CAMTA1: variants seen among roughly 807,000 people sequenced by gnomAD.
The protein encoded by CAMTA1 is calmodulin-binding transcription activator 1.
CAMTA1 carries 27 observed loss-of-function variants against 170.9 expected under a neutral mutation model. The observed-to-expected ratio is 0.16, with a 90% CI of 0.12 to 0.22. The LOEUF is 0.22. CAMTA1 is among the 10% of genes least tolerant of loss of function. The pLI, the probability that CAMTA1 is intolerant of heterozygous loss-of-function variation, is 1.00. For missense variants in CAMTA1, 1,619 were observed against 2,217.2 expected (o/e 0.73, Z 5.42); for synonymous variants, 833 against 891.5 (o/e 0.93, Z 1.17).
intron 5 of CAMTA1, among the ~76,000 whole-genome samples, chr1:7,446,378 C>T (rs1166925763): frequency 1.3e-5 from 2 of 152,010 alleles, no homozygotes; most frequent in Non-Finnish European, 2.9e-5. Context: ...GTAAATATAA[C>T]AATATTTGAT....
At chr1:7,057,340 G>A (rs1416117535) in intron 3 of CAMTA1, among the ~76,000 whole-genome samples, 8 of 152,312 alleles carry the variant, frequency 5.3e-5, no homozygotes, top group Admixed American at 1.3e-4. Flanking sequence ...AAGCACCTGC[G>A]TCGCAGCCAG....
chr1:7,600,468 G>T (rs995649856), intron 6 of CAMTA1, among the ~76,000 whole-genome samples: 7 of 151,308 alleles, frequency 4.6e-5, no homozygotes, highest in Non-Finnish European at 1.0e-4. Flanking sequence ...ATGAGTTAGG[G>T]AGGATTCCCT....
chr1:7,690,156 T>C (rs1312825707), intron 11 of CAMTA1, among the ~76,000 whole-genome samples: 2 of 152,076 alleles, frequency 1.3e-5, no homozygotes, highest in Non-Finnish European at 2.9e-5. Context: ...AGAGCGAAAC[T>C]CCATCTCAAA....
At chr1:7,047,016 C>T (rs1705490918) in intron 3 of CAMTA1, among the ~76,000 whole-genome samples, 1 of 152,142 alleles carries the variant, frequency 6.6e-6, no homozygotes, top group Non-Finnish European at 1.5e-5. Flanking sequence ...AGTGGTTGTA[C>T]AACTGACTTT....
chr1:7,446,367 G>A (rs1266837283), intron 5 of CAMTA1, among the ~76,000 whole-genome samples: 1 of 152,062 alleles, frequency 6.6e-6, no homozygotes, highest in East Asian at 1.9e-4. Context: ...CAGATCCTTA[G>A]GTAAATATAA....
intron 4 of CAMTA1, among the ~76,000 whole-genome samples, chr1:7,198,873 G>A (rs145713886): frequency 2.3e-4 from 35 of 152,246 alleles, no homozygotes; most frequent in African/African-American, 7.9e-4. Flanking sequence ...AGGGAGCCCC[G>A]CGGGCAACGC....
At chr1:7,057,674 G>A (rs1159336926) in intron 3 of CAMTA1, among the ~76,000 whole-genome samples, 1 of 152,232 alleles carries the variant, frequency 6.6e-6, no homozygotes, top group East Asian at 1.9e-4. Flanking sequence ...TTACACTTAT[G>A]TGAGGCCTTT....
In CAMTA1 at chr1:7,585,873, G is replaced by C. The variant is rs575653422; in HGVS notation, c.511-54527G>C. Among the ~76,000 whole-genome samples, 1 of 151,900 alleles carries C rather than the reference G, an allele frequency of 6.6e-6. No individual in the cohort carries two copies. Among genetic ancestry groups the C allele is most frequent in the East Asian group, 1.9e-4 (1 of 5,158 alleles). ...TCCCCTGCCTCCCACCTCCCCTCTCGATGCGGCTTTCATTATGTAAACCTG... is the reference window on the plus strand; with the variant it reads ...TCCCCTGCCTCCCACCTCCCCTCTCCATGCGGCTTTCATTATGTAAACCTG... On this transcript the variant is annotated intron_variant, in intron 6 of 22. Transcript: ENST00000303635. This position sits in a 1 kb window ranked among gnomAD's most constrained non-coding sequence, Gnocchi z 4.8.
chr1:7,252,993 G>A (rs910221891), intron 5 of CAMTA1, among the ~76,000 whole-genome samples: 1 of 152,166 alleles, frequency 6.6e-6, no homozygotes, highest in Admixed American at 6.5e-5. Flanking sequence ...TGCTTTTGAA[G>A]CTGACGAGCT....
chr1:6,986,087 C>T (rs769243962), intron 3 of CAMTA1, among the ~76,000 whole-genome samples: 7 of 152,190 alleles, frequency 4.6e-5, no homozygotes, highest in African/African-American at 7.2e-5. Context: ...TGCTCCCTGC[C>T]GTCTTTCTGT....
chr1:7,148,041 T>C (rs188198704), intron 4 of CAMTA1, among the ~76,000 whole-genome samples: 1 of 129,872 alleles, frequency 7.7e-6, no homozygotes. Context: ...CACACACTCA[T>C]ACACCATGCA....
chr1:7,265,683 T>C (rs1668821070), intron 5 of CAMTA1, among the ~76,000 whole-genome samples: 1 of 152,234 alleles, frequency 6.6e-6, no homozygotes, highest in African/African-American at 2.4e-5. Flanking sequence ...AGATAAAATA[T>C]ATTATTAAAA....
At position 6,885,064 on chromosome 1, in the gene CAMTA1, G is replaced by A. The variant is rs561834479; in HGVS notation, c.234+59854G>A. On this transcript the variant is annotated intron_variant, in intron 3 of 22. Transcript: ENST00000303635. ...ATGGATACCAAGAAGTGGAAATTAA[G>A]CAAGAAATTAAAAGAACATTAATGG... 2.0e-3 allele frequency among the ~76,000 whole-genome samples: 297 copies of A among 152,254 alleles called. 1 individual carries two copies. Among genetic ancestry groups the A allele is most frequent in the African/African-American group, 6.9e-3 (286 of 41,542 alleles).
In CAMTA1 at chr1:7,379,936, A is replaced by G. The variant is rs182798259; in HGVS notation, c.439-87894A>G. Among the ~76,000 whole-genome samples, 41 of 152,350 alleles carry G rather than the reference A, an allele frequency of 2.7e-4. 1 individual carries two copies. The East Asian group carries it at 7.9e-3, about 29-fold the overall frequency. On this transcript the variant is annotated intron_variant, in intron 5 of 22. Coordinates refer to ENST00000303635, the MANE Select transcript of CAMTA1 (RefSeq NM_015215.4). ...CTTGAGGCTGCGGCCAGGCAGAAAC[A>G]GGACTGCCAAGTGAGCGGTGGAGAA...
intron 6 of CAMTA1, among the ~76,000 whole-genome samples, chr1:7,487,179 G>C (rs553818980): frequency 6.6e-6 from 1 of 152,166 alleles, no homozygotes. Flanking sequence ...CCCTCCTGTA[G>C]CAAGTGCATG....
chr1:7,649,920 A>T (rs2095837597), intron 7 of CAMTA1, among the ~76,000 whole-genome samples: 1 of 152,210 alleles, frequency 6.6e-6, no homozygotes, highest in African/African-American at 2.4e-5. Flanking sequence ...CCAACATTCA[A>T]ATCTCCAGAT....
At chr1:7,608,143 C>A (rs574437971) in intron 6 of CAMTA1, among the ~76,000 whole-genome samples, 2 of 152,324 alleles carry the variant, frequency 1.3e-5, no homozygotes, top group South Asian at 2.1e-4. Flanking sequence ...GGGGTGCACT[C>A]TCCTGGCTTC....
rs139845619 is a variant in CAMTA1, at chr1:6,920,001, A to G, written c.234+94791A>G. On this transcript the variant is annotated intron_variant, in intron 3 of 22. Transcript: ENST00000303635. ...CCTCCCCTGGTCCCTCCCAAATCTC[A>G]TATCTTTACATTTCAAAATCAATCA... Among the ~76,000 whole-genome samples the G allele has an allele frequency of 4.3e-3, 661 of 152,198 alleles. 4 individuals carry two copies. Among genetic ancestry groups the G allele is most frequent in the Middle Eastern group, 0.027 (8 of 294 alleles).
chr1:6,884,073 A>C (rs1346070373), intron 3 of CAMTA1, among the ~76,000 whole-genome samples: 1 of 152,086 alleles, frequency 6.6e-6, no homozygotes, highest in Non-Finnish European at 1.5e-5. Context: ...CATGGAGTGT[A>C]GTCCAGGATT....
Sources: gnomAD v4.1 joint callset for allele counts (sites outside exome capture counted in the v4.1 genomes callset) on GRCh38, gnomAD v4.1.1 for gene constraint, Gnocchi (gnomAD v3.1) non-coding constraint, MANE v1.5 for transcripts, NCBI Gene and HGNC (gene_info 2026-07-23, HGNC 2026-07-21) for gene names.